Variants in NCK1 observed in about 807,000 individuals in gnomAD.
The protein encoded by NCK1 is NCK adaptor protein 1.
NCK1 carries 19 observed loss-of-function variants against 36.6 expected under a neutral mutation model. That is an observed-to-expected ratio of 0.52 (90% CI 0.36 to 0.76). NCK1 has a LOEUF of 0.76. Ranked by LOEUF, NCK1 falls within the 30% of genes least tolerant of loss-of-function variation. NCK1 has a pLI of 0.00. For synonymous variants in NCK1, 165 were observed against 156.0 expected, an observed-to-expected ratio of 1.06 and a Z score of -0.43; for missense variants, 358 against 445.6, an observed-to-expected ratio of 0.80 and a Z score of 1.77.
At chr3:136,888,604 A>G (rs1409402671) in intron 1 of NCK1, among the ~76,000 whole-genome samples, 3 of 151,556 alleles carry the variant, frequency 2.0e-5, no homozygotes, top group Non-Finnish European at 4.4e-5. Context: ...GGGTTTCACC[A>G]TGTTGGCCAG....
At chr3:136,915,890 T>C (rs1222150114) in intron 1 of NCK1, among the ~76,000 whole-genome samples, 1 of 152,092 alleles carries the variant, frequency 6.6e-6, no homozygotes, top group Non-Finnish European at 1.5e-5. Context: ...CACGCCTGGC[T>C]AACTTTTGTA....
At chr3:136,904,794 G>A (rs1218274094) in intron 1 of NCK1, among the ~76,000 whole-genome samples, 1 of 147,706 alleles carries the variant, frequency 6.8e-6, no homozygotes, top group African/African-American at 2.5e-5. Context: ...TGAATATTTG[G>A]TTACTTAATG....
At chr3:136,863,935 A>G (rs1345026283) in intron 1 of NCK1, among the ~76,000 whole-genome samples, 2 of 151,516 alleles carry the variant, frequency 1.3e-5, no homozygotes, top group South Asian at 2.1e-4. Flanking sequence ...CCCCGTCTCT[A>G]CTAAAAATAC....
chr3:136,941,563 T>C (rs1215630731), intron 2 of NCK1, among the ~76,000 whole-genome samples: 3 of 152,236 alleles, frequency 2.0e-5, no homozygotes, highest in African/African-American at 7.2e-5. Flanking sequence ...CAACTTAGTT[T>C]CAGTACTATG....
intron 1 of NCK1, chr3:136,899,623 T>C: frequency 1.5e-6 from 1 of 672,660 alleles, no homozygotes; most frequent in South Asian, 1.5e-5. Context: ...GCTGCTTTTC[T>C]TTTCCCTTGA....
intron 2 of NCK1, among the ~76,000 whole-genome samples, chr3:136,934,783 C>T (rs1453088545): frequency 6.6e-6 from 1 of 152,128 alleles, no homozygotes; most frequent in Non-Finnish European, 1.5e-5. Flanking sequence ...AAACTTGTAT[C>T]TCCTATTAAA....
chr3:136,919,161 A>G (rs1342690497), intron 1 of NCK1, among the ~76,000 whole-genome samples: 1 of 152,214 alleles, frequency 6.6e-6, no homozygotes, highest in Non-Finnish European at 1.5e-5. Flanking sequence ...AAATAGATCA[A>G]TAGTTGTCAC....
rs146514672 is a variant in NCK1 at position 136,948,042 on chromosome 3, G to A, written c.940-217G>A. 1.6e-4 allele frequency among the ~76,000 whole-genome samples: 25 copies of A among 152,184 alleles called. No individual in the cohort carries two copies. The East Asian group carries it at 4.6e-3, about 28-fold the overall frequency. ...TGGCTCTGTTGTTAACTAGATGGAT[G>A]ATATTGGCCAAGTTATTAATAGCTT... On this transcript the variant is annotated intron_variant, in intron 3 of 3. Coordinates refer to ENST00000481752, the MANE Select transcript of NCK1 (RefSeq NM_001291999.2).
At position 136,869,341 on chromosome 3, in the gene NCK1, G is replaced by A. The variant is rs150358743; in HGVS notation, c.-19+6988G>A. The stretch of plus-strand genomic sequence containing the variant: ...GTGGGCGGATAACTTGATCCCAGGA[G>A]TTCGAGACCAGCTTGGCCAACATGG... On this transcript the variant is annotated intron_variant, in intron 1 of 3. Coordinates refer to ENST00000481752, the MANE Select transcript of NCK1 (RefSeq NM_001291999.2). Among the ~76,000 whole-genome samples the A allele has an allele frequency of 2.9e-3, 435 of 152,350 alleles. 3 individuals carry two copies. Among genetic ancestry groups the A allele is most frequent in the African/African-American group, 0.01 (416 of 41,592 alleles).
At chr3:136,874,609 T>C (rs1402535943) in intron 1 of NCK1, among the ~76,000 whole-genome samples, 1 of 152,244 alleles carries the variant, frequency 6.6e-6, no homozygotes, top group Non-Finnish European at 1.5e-5. Flanking sequence ...GGCTGATACA[T>C]AGTAGTTTCC....
intron 2 of NCK1, among the ~76,000 whole-genome samples, chr3:136,942,334 A>G (rs1252420262): frequency 6.6e-6 from 1 of 152,070 alleles, no homozygotes; most frequent in Admixed American, 6.5e-5. Flanking sequence ...GCTTATTGTG[A>G]GTGGTTGTTG....
chr3:136,905,199 C>T (rs1009050000), intron 1 of NCK1, among the ~76,000 whole-genome samples: 5 of 151,176 alleles, frequency 3.3e-5, no homozygotes, highest in Non-Finnish European at 7.4e-5. Flanking sequence ...TTTTTGTATT[C>T]TTTGCAGAGA....
chr3:136,922,540 A>G (rs1270752798), intron 1 of NCK1, among the ~76,000 whole-genome samples: 2 of 152,194 alleles, frequency 1.3e-5, no homozygotes, highest in Non-Finnish European at 2.9e-5. Flanking sequence ...AAAGATATGA[A>G]CAAGCACTTT....
chr3:136,884,555 C>T lies in NCK1; in HGVS notation c.-19+22202C>T, dbSNP rs114689665. On this transcript the variant is annotated intron_variant, in intron 1 of 3. Transcript: ENST00000481752. ...TCCTGGGTTCAGGCGATTCTTGTGC[C>T]TCAGCCTCCAGAGTAGCTGGGATTA... Among the ~76,000 whole-genome samples, 1,507 of 152,200 alleles carry T rather than the reference C, an allele frequency of 9.9e-3. 31 individuals carry two copies. Among genetic ancestry groups the T allele is most frequent in the African/African-American group, 0.034 (1,401 of 41,514 alleles).
At chr3:136,903,497 TTACTGCAA>T (rs1385908911) in intron 1 of NCK1, among the ~76,000 whole-genome samples, 1 of 152,230 alleles carries the variant, frequency 6.6e-6, no homozygotes, top group Admixed American at 6.5e-5. Context: ...CGGTCTTGGC[TTACTGCAA>T]CCTCTGCCTC....
In NCK1 at chr3:136,948,896, C is replaced by A; in HGVS notation, c.*443C>A. Reference sequence around the variant, plus strand: ...CTAAAATTTCTTGGAGAGTGTTAATCTTTTCTGTGACTAAATAGCAATAAT... The same window carrying A: ...CTAAAATTTCTTGGAGAGTGTTAATATTTTCTGTGACTAAATAGCAATAAT... On this transcript the variant is annotated 3_prime_UTR_variant, in exon 4 of 4. Transcript: ENST00000481752. The A allele has an allele frequency of 6.6e-6, 1 of 152,210 alleles. No individual in the cohort carries two copies. Among genetic ancestry groups the A allele is most frequent in the East Asian group, 1.9e-4 (1 of 5,192 alleles). The allele number at this position is 152,210 out of a possible 1,614,324, so 9.4% of individuals were successfully genotyped here.
rs75534883 is a variant in NCK1 at position 136,916,553 on chromosome 3, A to C, written c.-18-11431A>C. On this transcript the variant is annotated intron_variant, in intron 1 of 3. Coordinates refer to ENST00000481752, the MANE Select transcript of NCK1 (RefSeq NM_001291999.2). ...CAGGTTTTATGAATATGCTTACTAG[A>C]AGAGATGACACAATCTAAACCTTAT... 1.4e-4 allele frequency among the ~76,000 whole-genome samples: 21 copies of C among 152,274 alleles called. No homozygotes were observed. The East Asian group carries it at 4.1e-3, about 29-fold the overall frequency.
intron 2 of NCK1, chr3:136,930,342 C>A: frequency 1.4e-6 from 1 of 699,648 alleles, no homozygotes; most frequent in Non-Finnish European, 2.0e-6. Flanking sequence ...TATTTTTGGC[C>A]ATGATTATTT....
At chr3:136,933,760 A>C (rs1940452272) in intron 2 of NCK1, among the ~76,000 whole-genome samples, 1 of 151,902 alleles carries the variant, frequency 6.6e-6, no homozygotes, top group Non-Finnish European at 1.5e-5. Context: ...GCTGGAGTGC[A>C]CTGGTGCCAT....
Sources: allele counts gnomAD v4.1 joint callset (sites outside exome capture counted in the v4.1 genomes callset), GRCh38; gene constraint gnomAD v4.1.1; transcripts MANE v1.5; gene names NCBI Gene and HGNC (gene_info 2026-07-23, HGNC 2026-07-21).